MRC1: variants seen among roughly 807,000 people sequenced by gnomAD.
MRC1 encodes mannose receptor C-type 1.
A neutral mutation model predicts 102.9 loss-of-function variants in MRC1; 62 were observed. That is an observed-to-expected ratio of 0.60 (90% CI 0.49 to 0.74). The LOEUF (loss-of-function observed/expected upper bound fraction) is 0.74, where lower values mean the gene tolerates loss of function less well. Ranked by LOEUF, MRC1 falls within the 30% of genes least tolerant of loss-of-function variation. The pLI is 0.00. For synonymous variants in MRC1, 457 were observed against 298.4 expected (o/e 1.53, Z -5.48); for missense variants, 1,237 against 862.8 (o/e 1.43, Z -5.43).
At chr10:17,882,016 A>ATAT (rs1422234025) in intron 21 of MRC1, among the ~76,000 whole-genome samples, 15 of 151,982 alleles carry the variant, frequency 9.9e-5, no homozygotes, top group East Asian at 7.7e-4. Context: ...ATGAAGGAGG[A>ATAT]TATTCACCAT....
chr10:17,811,871 C>T (rs1412044651), intron 1 of MRC1, among the ~76,000 whole-genome samples: 4 of 152,096 alleles, frequency 2.6e-5, no homozygotes, highest in Non-Finnish European at 1.5e-5. Context: ...TAGATGTGAG[C>T]CACTGCACCC....
At chr10:17,892,917 G>A (rs1312148405) in intron 22 of MRC1, among the ~76,000 whole-genome samples, 1 of 150,588 alleles carries the variant, frequency 6.6e-6, no homozygotes, top group Non-Finnish European at 1.5e-5. Flanking sequence ...GGCCGAGGCA[G>A]AAGAATTGCT....
intron 1 of MRC1, 145 bp from the exon 2 acceptor site, chr10:17,822,929 T>C (rs950103816): frequency 1.5e-6 from 1 of 660,744 alleles, no homozygotes; most frequent in African/African-American, 1.8e-5. Context: ...GGCACAGTCA[T>C]CAGTACCTCT....
intron 1 of MRC1, among the ~76,000 whole-genome samples, chr10:17,810,891 C>T (rs1329373852): frequency 1.3e-5 from 2 of 152,158 alleles, no homozygotes; most frequent in South Asian, 2.1e-4. Flanking sequence ...TTCCTGGGTT[C>T]GAGTGATTCT....
intron 7 of MRC1, among the ~76,000 whole-genome samples, chr10:17,851,068 G>T (rs1015537702): frequency 1.2e-4 from 19 of 152,146 alleles, no homozygotes; most frequent in African/African-American, 4.6e-4. Flanking sequence ...GGCACTTATA[G>T]CCAGTAAAGT....
chr10:17,907,726 A>G (rs985711354), intron 28 of MRC1, 28 bp downstream of exon 28: 3 of 780,224 alleles, frequency 3.8e-6, no homozygotes, highest in African/African-American at 1.7e-5. Flanking sequence ...TGCATGGTGC[A>G]TATCACTGGC....
chr10:17,812,326 A>C (rs1322335892), intron 1 of MRC1, among the ~76,000 whole-genome samples: 26 of 152,172 alleles, frequency 1.7e-4, no homozygotes, highest in Non-Finnish European at 3.5e-4. Context: ...CCGGTGGGAC[A>C]CAGAGGTTAG....
At chr10:17,902,355 C>A (rs1833840121) in intron 26 of MRC1, among the ~76,000 whole-genome samples, 1 of 152,152 alleles carries the variant, frequency 6.6e-6, no homozygotes, top group Non-Finnish European at 1.5e-5. Flanking sequence ...TAAATGGTTT[C>A]TTCCTTTCAG....
intron 28 of MRC1, among the ~76,000 whole-genome samples, chr10:17,908,756 A>G (rs1221196147): frequency 6.6e-6 from 1 of 151,958 alleles, no homozygotes; most frequent in Non-Finnish European, 1.5e-5. Flanking sequence ...TTTAATAGAG[A>G]TGGGGTTTCA....
intron 5 of MRC1, among the ~76,000 whole-genome samples, chr10:17,843,751 T>C (rs1327329349): frequency 4.6e-5 from 7 of 152,202 alleles, no homozygotes; most frequent in Non-Finnish European, 7.3e-5. Flanking sequence ...AAAAATCATT[T>C]AATTACCACA....
chr10:17,853,613 T>C (rs1833023424), intron 8 of MRC1, among the ~76,000 whole-genome samples: 2 of 149,912 alleles, frequency 1.3e-5, no homozygotes, highest in African/African-American at 5.0e-5. Context: ...TATATATATA[T>C]ATGTAAAAAG....
intron 11 of MRC1, among the ~76,000 whole-genome samples, chr10:17,864,752 C>G (rs1833237452): frequency 6.7e-6 from 1 of 149,958 alleles, no homozygotes; most frequent in Non-Finnish European, 1.5e-5. Context: ...TTGCTTGAAC[C>G]TGGAAGGCAG....
intron 2 of MRC1, 95 bp from the exon 3 acceptor site, chr10:17,827,447 C>G (rs199646698): frequency 0.24 from 123,632 of 514,982 alleles, 16,080 homozygotes; most frequent in East Asian, 0.31. Flanking sequence ...GTAATCAGAA[C>G]AGTAAGACCA....
At chr10:17,854,111 T>G (rs1431919187) in intron 8 of MRC1, among the ~76,000 whole-genome samples, 6 of 152,134 alleles carry the variant, frequency 3.9e-5, no homozygotes, top group African/African-American at 1.4e-4. Flanking sequence ...CCACCACGCC[T>G]GGCTAATTTT....
intron 26 of MRC1, among the ~76,000 whole-genome samples, chr10:17,904,682 G>A (rs1213132135): frequency 1.3e-5 from 2 of 152,162 alleles, no homozygotes; most frequent in Admixed American, 6.5e-5. Context: ...TTTAATATTT[G>A]TCCAAGCAGT....
intron 5 of MRC1, among the ~76,000 whole-genome samples, chr10:17,844,743 C>T (rs1439533209): frequency 1.3e-5 from 2 of 152,192 alleles, no homozygotes; most frequent in Non-Finnish European, 2.9e-5. Flanking sequence ...CCTCCCCCAT[C>T]TCATAGTCCC....
chr10:17,873,267 A>G (rs548150956), intron 15 of MRC1, among the ~76,000 whole-genome samples: 70 of 152,350 alleles, frequency 4.6e-4, no homozygotes, highest in Non-Finnish European at 7.6e-4. Flanking sequence ...TTTCTATTTT[A>G]TAAATAAATA....
intron 9 of MRC1, among the ~76,000 whole-genome samples, chr10:17,861,153 G>A (rs970662408): frequency 1.6e-4 from 25 of 152,082 alleles, no homozygotes; most frequent in African/African-American, 6.0e-4. Flanking sequence ...CTACTAAAAA[G>A]ACAGAAAAAT....
At chr10:17,835,541 G>A (rs573994095) in intron 4 of MRC1, among the ~76,000 whole-genome samples, 28 of 151,566 alleles carry the variant, frequency 1.8e-4, no homozygotes, top group Admixed American at 1.1e-3. Flanking sequence ...TGTGGAGATC[G>A]CGTCAGAGGG....
Sources: allele counts gnomAD v4.1 joint callset (sites outside exome capture counted in the v4.1 genomes callset), GRCh38; gene constraint gnomAD v4.1.1; transcripts MANE v1.5; gene names NCBI Gene and HGNC (gene_info 2026-07-23, HGNC 2026-07-21).